Variants in MTAP observed in about 807,000 individuals in gnomAD.
MTAP encodes methylthioadenosine phosphorylase, also known as S-methyl-5'-thioadenosine phosphorylase.
Under a neutral mutation model 33.6 loss-of-function variants are expected in MTAP, and 33 were observed. The ratio of observed to expected loss-of-function variants is 0.98; its 90% CI spans 0.74 to 1.31. MTAP has a LOEUF of 1.31. MTAP is among the 40% of genes most tolerant of loss of function. The probability of loss-of-function intolerance (pLI) is 0.00; values close to 1 mark genes in which losing one functional copy is unlikely to be tolerated. For synonymous variants in MTAP, 148 were observed against 125.7 expected (o/e 1.18, Z -1.19); for missense variants, 367 against 360.0 (o/e 1.02, Z -0.16).
chr9:21,822,380 G>C (rs1423724086), intron 4 of MTAP, among the ~76,000 whole-genome samples: 3 of 152,244 alleles, frequency 2.0e-5, no homozygotes, highest in African/African-American at 7.2e-5. Flanking sequence ...CCTTCGTTTT[G>C]TTATGTACCC....
In MTAP at chr9:21,910,319, T is replaced by TA. The variant is rs557514046; in HGVS notation, c.148-20680dup. ...AGGGAGGAAGAAAATAAACAATAGC[T>TA]AAAAAAAAAGAAATAAATTATATAG... On this transcript the variant is annotated intron_variant, in intron 1 of 1. Transcript: ENST00000577563. Among the ~76,000 whole-genome samples, 546 of 149,128 alleles carry TA rather than the reference T, an allele frequency of 3.7e-3. 2 individuals are homozygous for TA. The highest frequency in any genetic ancestry group is 0.014 in the Middle Eastern group (4 of 292).
intron 1 of MTAP, among the ~76,000 whole-genome samples, chr9:21,882,478 G>A (rs1333010997): frequency 1.3e-5 from 2 of 151,950 alleles, no homozygotes; most frequent in Non-Finnish European, 2.9e-5. Flanking sequence ...CAATATTCTT[G>A]TAACTGATCT....
At chr9:21,908,241 T>G (rs117033126) in intron 1 of MTAP, among the ~76,000 whole-genome samples, 1 of 152,182 alleles carries the variant, frequency 6.6e-6, no homozygotes, top group South Asian at 2.1e-4. Flanking sequence ...TGGGATTGAC[T>G]TTTTTGTTTA....
chr9:21,814,209 G>T (rs779193212), intron 1 of MTAP, among the ~76,000 whole-genome samples: 6 of 152,014 alleles, frequency 3.9e-5, no homozygotes, highest in Non-Finnish European at 5.9e-5. Context: ...TGCTTTTTTT[G>T]TGTGTGTGTT....
chr9:21,908,724 G>T (rs1423930875), intron 1 of MTAP, among the ~76,000 whole-genome samples: 4 of 151,738 alleles, frequency 2.6e-5, no homozygotes, highest in African/African-American at 9.7e-5. Flanking sequence ...TTCCCTACAG[G>T]TTACTTGAAT....
Position 21,864,987 on chromosome 9 carries a change from C to T in MTAP, c.*2973C>T, listed in dbSNP as rs1825828413. 1 of 985,314 alleles carries T rather than the reference C, an allele frequency of 1.0e-6. No homozygotes were observed. Among genetic ancestry groups the T allele is most frequent in the South Asian group, 4.7e-5 (1 of 21,294 alleles). 61.0% of individuals were successfully genotyped at this position (985,314 alleles called of 1,614,324 possible). ...TTTAGCCAGCACTTATCCAGTGAAA[C>T]AATTTGATAAGGTTTCAAGGAGTAT... On this transcript the variant is annotated 3_prime_UTR_variant, in exon 8 of 8. Coordinates refer to ENST00000644715, the MANE Select transcript of MTAP (RefSeq NM_002451.4).
intron 1 of MTAP, among the ~76,000 whole-genome samples, chr9:21,812,712 C>T (rs940937377): frequency 2.0e-5 from 3 of 152,174 alleles, no homozygotes; most frequent in African/African-American, 7.2e-5. Flanking sequence ...CTGTGACCTT[C>T]GTCATGAACT....
chr9:21,815,671 T>C, intron 2 of MTAP, 152 bp downstream of exon 2: 1 of 649,206 alleles, frequency 1.5e-6, no homozygotes, highest in South Asian at 1.8e-5. Flanking sequence ...AGTTCTGCTG[T>C]TGGGTTCCAT....
chr9:21,918,149 G>C (rs1818723786), intron 1 of MTAP, among the ~76,000 whole-genome samples: 2 of 147,042 alleles, frequency 1.4e-5, no homozygotes, highest in African/African-American at 5.4e-5. Flanking sequence ...AGGAGATCGA[G>C]ACCATCCCGG....
In MTAP at chr9:21,865,571, C is replaced by T. The variant is rs1433715910; in HGVS notation, c.*3557C>T. ...AGGATGGAAGAACCTGTGTTCTCCT[C>T]ATAATAGTATAGAATAATTCAAGAT... On this transcript the variant is annotated 3_prime_UTR_variant, in exon 8 of 8. Transcript: ENST00000644715. 1.9e-5 allele frequency: 19 copies of T among 985,608 alleles called. No homozygotes were observed. The highest frequency in any genetic ancestry group is 3.5e-5 in the African/African-American group (2 of 57,188). The allele number at this position is 985,608 out of a possible 1,614,324, so 61.1% of individuals were successfully genotyped here. A position where few individuals can be genotyped will look rare whatever the true frequency, so the allele number is the denominator to read the frequency against.
chr9:21,851,241 A>G (rs1212923389), intron 5 of MTAP, among the ~76,000 whole-genome samples: 2 of 152,244 alleles, frequency 1.3e-5, no homozygotes, highest in African/African-American at 4.8e-5. Context: ...AAGGGAATAC[A>G]GAATGGGTAG....
intron 5 of MTAP, 58 bp from the exon 6 acceptor site, chr9:21,854,573 C>T: frequency 6.8e-7 from 1 of 1,467,388 alleles, no homozygotes; most frequent in Non-Finnish European, 9.0e-7. Context: ...GGGGGAAGTG[C>T]AGCCTTAAGT....
intron 1 of MTAP, chr9:21,893,677 C>T (rs1394819993): frequency 6.6e-6 from 1 of 152,006 alleles, no homozygotes; most frequent in Non-Finnish European, 1.5e-5. Flanking sequence ...GGGAAACGTA[C>T]AACCTCTCAA....
In MTAP at chr9:21,862,989, TA is replaced by T; in HGVS notation, c.*977del. 1 of 984,588 alleles carries T rather than the reference TA, an allele frequency of 1.0e-6. No homozygotes were observed. The highest frequency in any genetic ancestry group is 1.2e-6 in the Non-Finnish European group (1 of 829,172). The allele number at this position is 984,588 out of a possible 1,614,324, so 61.0% of individuals were successfully genotyped here. On this transcript the variant is annotated 3_prime_UTR_variant, in exon 8 of 8. Coordinates refer to ENST00000644715, the MANE Select transcript of MTAP (RefSeq NM_002451.4). ...CTGTTTCTGGTAATGAAGCAGAATT[TA>T]AGTTGGTAATATTAAGGTGAATGTC...
In MTAP at chr9:21,857,473, A is replaced by C. The variant is rs371718887; in HGVS notation, c.691-1830A>C. ...TATGCTTAAGGAAATAGAAAGATGT[A>C]ATCCTTGTGTCCCTGAATGCTGGAT... On this transcript the variant is annotated intron_variant, in intron 6 of 7. Transcript: ENST00000644715. 3.3e-5 allele frequency among the ~76,000 whole-genome samples: 5 copies of C among 152,288 alleles called. No individual in the cohort carries two copies. The East Asian group carries it at 7.7e-4, about 24-fold the overall frequency.
Position 21,863,136 on chromosome 9 carries a change from T to C in MTAP, c.*1122T>C, listed in dbSNP as rs554403309. On this transcript the variant is annotated 3_prime_UTR_variant, in exon 8 of 8. Coordinates refer to ENST00000644715, the MANE Select transcript of MTAP (RefSeq NM_002451.4). ...AAAGCTAGGTGTTTAATAGTTTAAC[T>C]GAAAGTTTAACTATTTAAAAGACTA... 2.0e-5 allele frequency: 20 copies of C among 978,962 alleles called. No individual in the cohort carries two copies. Among genetic ancestry groups the C allele is most frequent in the East Asian group, 1.1e-4 (1 of 8,796 alleles). 60.6% of individuals were successfully genotyped at this position (978,962 alleles called of 1,614,324 possible). A position where few individuals can be genotyped will look rare whatever the true frequency, so the allele number is the denominator to read the frequency against.
At chr9:21,868,685 A>G (rs978500166), downstream of MTAP, among the ~76,000 whole-genome samples, 7 of 152,154 alleles carry the variant, frequency 4.6e-5, no homozygotes, top group Non-Finnish European at 4.4e-5. Context: ...GTTCACTTTC[A>G]GCAGGTGACT....
rs529305871 is a variant in MTAP at position 21,857,297 on chromosome 9, G to T, written c.691-2006G>T. 2.1e-3 allele frequency among the ~76,000 whole-genome samples: 327 copies of T among 152,274 alleles called. 3 individuals carry two copies. Among genetic ancestry groups the T allele is most frequent in the South Asian group, 1.7e-3 (8 of 4,824 alleles). ...TGGATGCTTCATGTCTGCATTCAAA[G>T]ACTCAGCTTAAAACATATCATTTAC... On this transcript the variant is annotated intron_variant, in intron 6 of 7. Transcript: ENST00000644715.
At chr9:21,828,333 A>C (rs1824874904) in intron 4 of MTAP, among the ~76,000 whole-genome samples, 1 of 152,184 alleles carries the variant, frequency 6.6e-6, no homozygotes, top group African/African-American at 2.4e-5. Context: ...TGGAGGGTCC[A>C]CTAGTTGACA....
Sources: allele counts gnomAD v4.1 joint callset (sites outside exome capture counted in the v4.1 genomes callset), GRCh38; gene constraint gnomAD v4.1.1; transcripts MANE v1.5; gene names NCBI Gene and HGNC (gene_info 2026-07-23, HGNC 2026-07-21).